The following BFSP2 variants were observed in gnomAD, a reference collection of about 807,000 sequenced individuals.
BFSP2 encodes the protein beaded filament structural protein 2.
Under a neutral mutation model 44.9 loss-of-function variants are expected in BFSP2, and 38 were observed. The observed-to-expected ratio is 0.85, with a 90% CI of 0.65 to 1.11. The LOEUF is 1.11. BFSP2 is among the 50% of genes least tolerant of loss of function. BFSP2 has a pLI of 0.00. For missense variants in BFSP2, 525 were observed against 533.0 expected (o/e 0.99, Z 0.15); for synonymous variants, 197 against 209.9 (o/e 0.94, Z 0.53).
rs189940781 is a variant in BFSP2, at chr3:133,440,114, C to T, written c.490-7203C>T. ...AAAGGAGGAGCAAAGGCACATCTTA[C>T]ATGGTGGCAGGCAAGAGACCATGTG... On this transcript the variant is annotated intron_variant, in intron 1 of 6. Transcript: ENST00000302334. Among the ~76,000 whole-genome samples the T allele has an allele frequency of 1.7e-3, 257 of 152,344 alleles. 1 individual carries two copies. Among genetic ancestry groups the T allele is most frequent in the Middle Eastern group, 3.4e-3 (1 of 294 alleles).
At position 133,400,714 on chromosome 3, in the gene BFSP2, C is replaced by T. The variant is rs1429322788; in HGVS notation, c.489+142C>T. ...TTCACACTTAAAATGGTAATGATAA[C>T]AACAATGCTACCTTTTACCGAGGTT... On this transcript the variant is annotated intron_variant, in intron 1 of 6. Coordinates refer to ENST00000302334, the MANE Select transcript of BFSP2 (RefSeq NM_003571.4). The surrounding 1 kb of genome is among the most constrained non-coding windows in gnomAD (Gnocchi z 4.0). The T allele has an allele frequency of 2.6e-5, 35 of 1,355,048 alleles. No individual in the cohort carries two copies. The highest frequency in any genetic ancestry group is 3.5e-5 in the Non-Finnish European group (35 of 997,410). 83.9% of individuals were successfully genotyped at this position (1,355,048 alleles called of 1,614,324 possible). A position where few individuals can be genotyped will look rare whatever the true frequency, so the allele number is the denominator to read the frequency against.
intron 1 of BFSP2, among the ~76,000 whole-genome samples, chr3:133,433,753 C>T (rs2073752873): frequency 6.6e-6 from 1 of 152,146 alleles, no homozygotes; most frequent in African/African-American, 2.4e-5. Flanking sequence ...CAGTGACAGA[C>T]TAGCGGTCTA....
intron 3 of BFSP2, 110 bp downstream of exon 3, chr3:133,448,755 C>A: frequency 1.4e-6 from 2 of 1,407,552 alleles, no homozygotes; most frequent in Non-Finnish European, 2.0e-6. Context: ...CTCCACATTG[C>A]GTGCCCAGGA....
chr3:133,469,352 G>A, intron 5 of BFSP2, among the ~76,000 whole-genome samples: 1 of 152,224 alleles, frequency 6.6e-6, no homozygotes, highest in East Asian at 1.9e-4. Flanking sequence ...CACACACAAG[G>A]CCCCCGCAGC....
chr3:133,454,847 C>T (rs2073998987), intron 4 of BFSP2, among the ~76,000 whole-genome samples: 1 of 152,186 alleles, frequency 6.6e-6, no homozygotes, highest in African/African-American at 2.4e-5. Flanking sequence ...TTTCTTTTAT[C>T]CTTATTCTAT....
chr3:133,472,353 C>G lies in BFSP2; in HGVS notation c.1032C>G (p.Gly344=). 6.2e-7 allele frequency: 1 copy of G among 1,612,104 alleles called. No individual in the cohort carries two copies. The highest frequency in any genetic ancestry group is 8.5e-7 in the Non-Finnish European group (1 of 1,179,946). The change falls in exon 6 of 7, where the codon GGC becomes GGG. Residue 344 remains glycine, a synonymous_variant. Coordinates refer to ENST00000302334, the MANE Select transcript of BFSP2 (RefSeq NM_003571.4). ...ETESLRALKR[G]LENTLHDAKH... is the part of the protein sequence containing the mutation. ...GGTTCGCTCTTTTGTAGAAACGAGG[C>G]CTGGAGAACACCTTGCACGATGCCA...
At chr3:133,444,634 G>A (rs1646738603) in intron 1 of BFSP2, among the ~76,000 whole-genome samples, 1 of 152,112 alleles carries the variant, frequency 6.6e-6, no homozygotes, top group African/African-American at 2.4e-5. Flanking sequence ...GCTCTCTACA[G>A]CTCAGGATGA....
chr3:133,444,604 A>C (rs950911481), intron 1 of BFSP2, among the ~76,000 whole-genome samples: 3 of 152,156 alleles, frequency 2.0e-5, no homozygotes, highest in African/African-American at 7.2e-5. Context: ...GAGGAAGAGA[A>C]TCAGCAAAGG....
intron 1 of BFSP2, among the ~76,000 whole-genome samples, chr3:133,444,824 G>C (rs1010286731): frequency 4.6e-5 from 7 of 152,064 alleles, no homozygotes; most frequent in Non-Finnish European, 8.8e-5. Context: ...CTGGACCACC[G>C]CAAGAGCCTC....
intron 1 of BFSP2, among the ~76,000 whole-genome samples, chr3:133,403,875 CAGG>C (rs2073382242): frequency 2.0e-5 from 3 of 152,060 alleles, no homozygotes; most frequent in Admixed American, 2.0e-4. Flanking sequence ...GAAGAGGAGC[CAGG>C]AGGAGGGAAA....
At chr3:133,435,894 A>T (rs2073776439) in intron 1 of BFSP2, among the ~76,000 whole-genome samples, 1 of 152,118 alleles carries the variant, frequency 6.6e-6, no homozygotes, top group Non-Finnish European at 1.5e-5. Context: ...TTTCTACTCA[A>T]GCTTCACCAC....
intron 1 of BFSP2, among the ~76,000 whole-genome samples, chr3:133,426,361 T>C (rs1190041536): frequency 6.6e-6 from 1 of 152,112 alleles, no homozygotes; most frequent in Admixed American, 6.5e-5. Flanking sequence ...GTAAGAGGAG[T>C]GCAGTGACTT....
chr3:133,426,031 A>C, intron 1 of BFSP2, among the ~76,000 whole-genome samples: 1 of 139,444 alleles, frequency 7.2e-6, no homozygotes, highest in South Asian at 2.4e-4. Flanking sequence ...AGGGAAGGGA[A>C]GGGAAGGGAA....
intron 1 of BFSP2, among the ~76,000 whole-genome samples, chr3:133,417,770 T>C (rs1269066640): frequency 8.1e-3 from 439 of 53,922 alleles, no homozygotes; most frequent in Middle Eastern, 0.017. Flanking sequence ...CTGTCACCTC[T>C]CCTCTATTCA....
intron 4 of BFSP2, among the ~76,000 whole-genome samples, chr3:133,451,641 T>A (rs1483365991): frequency 2.0e-5 from 3 of 152,154 alleles, no homozygotes; most frequent in African/African-American, 4.8e-5. Flanking sequence ...TGAGAAAAAA[T>A]TTTAGAAAGA....
intron 1 of BFSP2, among the ~76,000 whole-genome samples, chr3:133,414,051 AC>A: frequency 1.2e-5 from 1 of 85,822 alleles, no homozygotes; most frequent in Non-Finnish European, 2.3e-5. Context: ...TCCCCTACTC[AC>A]CCCTCTACTC....
chr3:133,404,779 T>C (rs965416457), intron 1 of BFSP2: 7 of 152,198 alleles, frequency 4.6e-5, no homozygotes, highest in South Asian at 2.1e-4. Context: ...GCAAATTATA[T>C]AGCTGGTCCT....
chr3:133,406,292 C>T (rs956403217), intron 1 of BFSP2, among the ~76,000 whole-genome samples: 1 of 152,136 alleles, frequency 6.6e-6, no homozygotes, highest in African/African-American at 2.4e-5. Flanking sequence ...AAGGTGGTTT[C>T]TGGAAGTTGA....
At chr3:133,407,722 G>A (rs962974259) in intron 1 of BFSP2, among the ~76,000 whole-genome samples, 3 of 152,158 alleles carry the variant, frequency 2.0e-5, no homozygotes, top group Admixed American at 6.6e-5. Context: ...TCTATAGTAA[G>A]CTCTACTGTG....
Sources: gnomAD v4.1 joint callset for allele counts (sites outside exome capture counted in the v4.1 genomes callset) on GRCh38, gnomAD v4.1.1 for gene constraint, Gnocchi (gnomAD v3.1) non-coding constraint, MANE v1.5 for transcripts, NCBI Gene and HGNC (gene_info 2026-07-23, HGNC 2026-07-21) for gene names.